WNT7A: variants seen among roughly 807,000 people sequenced by gnomAD.
WNT7A encodes protein Wnt-7a.
WNT7A carries 16 observed loss-of-function variants against 28.2 expected under a neutral mutation model. The observed-to-expected ratio is 0.57, with a 90% CI of 0.38 to 0.86. The LOEUF (loss-of-function observed/expected upper bound fraction) is 0.86. WNT7A is among the 40% of genes least tolerant of loss of function. WNT7A has a pLI of 0.00. For missense variants in WNT7A, 411 were observed against 489.7 expected (o/e 0.84, Z 1.52); for synonymous variants, 190 against 195.9 (o/e 0.97, Z 0.25).
chr3:13,828,965 T>C (rs12053930), intron 3 of WNT7A, among the ~76,000 whole-genome samples: 26,846 of 152,104 alleles, frequency 0.18, 3,046 homozygotes, highest in East Asian at 0.56. Context: ...CAAGGGAACA[T>C]GGCACACTCT....
intron 2 of WNT7A, among the ~76,000 whole-genome samples, chr3:13,860,006 T>C (rs1694802575): frequency 6.6e-6 from 1 of 151,374 alleles, no homozygotes; most frequent in Non-Finnish European, 1.5e-5. Flanking sequence ...AGCCCATTCA[T>C]CAAATCAAGA....
intron 3 of WNT7A, among the ~76,000 whole-genome samples, chr3:13,848,597 G>A (rs925356783): frequency 6.6e-6 from 1 of 152,186 alleles, no homozygotes; most frequent in African/African-American, 2.4e-5. Context: ...TGCTGGTGAG[G>A]ATGTGGAGCA....
intron 2 of WNT7A, among the ~76,000 whole-genome samples, chr3:13,865,741 T>TG (rs892917639): frequency 1.6e-4 from 25 of 152,162 alleles, no homozygotes; most frequent in Non-Finnish European, 2.9e-4. Flanking sequence ...CTGGCCTGCC[T>TG]GGGGGCCATA....
At chr3:13,823,507 C>T (rs1243788494) in intron 3 of WNT7A, among the ~76,000 whole-genome samples, 1 of 152,186 alleles carries the variant, frequency 6.6e-6, no homozygotes, top group Non-Finnish European at 1.5e-5. Context: ...CAGGCATCAA[C>T]CCTCCATTGC....
intron 2 of WNT7A, among the ~76,000 whole-genome samples, chr3:13,865,315 C>T (rs1032689892): frequency 6.6e-6 from 1 of 152,150 alleles, no homozygotes; most frequent in African/African-American, 2.4e-5. Context: ...GTCCTTTTCT[C>T]CCCGGGGCAG....
chr3:13,830,288 C>A (rs906359585), intron 3 of WNT7A, among the ~76,000 whole-genome samples: 1 of 152,182 alleles, frequency 6.6e-6, no homozygotes, highest in Non-Finnish European at 1.5e-5. Flanking sequence ...GGCCCCTCAA[C>A]CTCAGGCTGG....
chr3:13,834,385 G>A (rs984737208), intron 3 of WNT7A, among the ~76,000 whole-genome samples: 1 of 152,076 alleles, frequency 6.6e-6, no homozygotes, highest in African/African-American at 2.4e-5. Context: ...GCTGGGGGTC[G>A]GGTGCACACT....
intron 3 of WNT7A, among the ~76,000 whole-genome samples, chr3:13,827,472 A>G (rs1401146991): frequency 6.6e-6 from 1 of 152,132 alleles, no homozygotes; most frequent in African/African-American, 2.4e-5. Context: ...CAGAGCCCGG[A>G]ATTACTCAGG....
rs574524821 is a variant in WNT7A, at chr3:13,849,304, C to G, written c.570+5228G>C. 3.3e-5 allele frequency among the ~76,000 whole-genome samples: 5 copies of G among 152,322 alleles called. No homozygotes were observed. In the South Asian group the frequency reaches 1.0e-3, roughly 32 times the overall value. ...CAATTATCTCAATATCAGCTCAATTCAAAACCACAAACTTGGTTAAATCTG... is the reference window on the plus strand; with the variant it reads ...CAATTATCTCAATATCAGCTCAATTGAAAACCACAAACTTGGTTAAATCTG... On this transcript the variant is annotated intron_variant, in intron 3 of 3. Transcript: ENST00000285018.
rs1559303352 is a variant in WNT7A at position 13,856,959 on chromosome 3, GAA to G, written c.299-2158_299-2157del. Reference sequence around the variant, plus strand: ...AGAAGAAGAAGAAGAAGAAGAAGAAGAAGAAGAAGGAGAAGAAGAAGAAGAAG... The same window carrying G: ...AGAAGAAGAAGAAGAAGAAGAAGAAGGAAGAAGGAGAAGAAGAAGAAGAAG... On this transcript the variant is annotated intron_variant, in intron 2 of 3. Coordinates refer to ENST00000285018, the MANE Select transcript of WNT7A (RefSeq NM_004625.4). Among the ~76,000 whole-genome samples, 157 of 125,324 alleles carry G rather than the reference GAA, an allele frequency of 1.3e-3. 1 individual carries two copies. The highest frequency in any genetic ancestry group is 2.1e-3 in the Non-Finnish European group (131 of 63,822). The allele number at this position is 125,324 out of a possible 152,430, so 82.2% of individuals were successfully genotyped here.
intron 3 of WNT7A, among the ~76,000 whole-genome samples, chr3:13,846,304 G>A (rs1046701784): frequency 1.3e-5 from 2 of 152,222 alleles, no homozygotes; most frequent in Non-Finnish European, 2.9e-5. Context: ...GGAATCACAG[G>A]GTTTCAGGAT....
rs1695088848 is a variant in WNT7A at position 13,875,132 on chromosome 3, CAG to C, written c.111_112del (p.Ile37MetfsTer2). ...GGGAGCCAGGCCTGGGATCTTGTTA[CAG>C]ATGATGCTTGCGCCCAGAGCTACCA... On this transcript the variant is annotated frameshift_variant, in exon 2 of 4. Coordinates refer to ENST00000285018, the MANE Select transcript of WNT7A (RefSeq NM_004625.4). LOFTEE classifies it high-confidence loss of function. 6.2e-7 allele frequency: 1 copy of C among 1,614,068 alleles called. No homozygotes were observed. Among genetic ancestry groups the C allele is most frequent in the Admixed American group, 1.7e-5 (1 of 60,016 alleles).
chr3:13,850,585 AG>A (rs981530094), intron 3 of WNT7A, among the ~76,000 whole-genome samples: 41 of 152,130 alleles, frequency 2.7e-4, no homozygotes, highest in African/African-American at 9.7e-4. Context: ...GCATTCCAGC[AG>A]GGGCCAGCCC....
At chr3:13,822,399 T>C (rs1694125843) in intron 3 of WNT7A, among the ~76,000 whole-genome samples, 1 of 152,262 alleles carries the variant, frequency 6.6e-6, no homozygotes, top group Non-Finnish European at 1.5e-5. Flanking sequence ...AGGAATGAAG[T>C]ACTGATACAC....
intron 3 of WNT7A, among the ~76,000 whole-genome samples, chr3:13,832,456 A>C (rs1694297258): frequency 8.1e-6 from 1 of 123,260 alleles, no homozygotes; most frequent in African/African-American, 3.2e-5. Flanking sequence ...CCTTCTTCCC[A>C]AGCTTCTCCT....
At chr3:13,863,203 A>G (rs1694859908) in intron 2 of WNT7A, among the ~76,000 whole-genome samples, 3 of 152,150 alleles carry the variant, frequency 2.0e-5, no homozygotes, top group Admixed American at 1.3e-4. Context: ...CCATCAAGCC[A>G]TGGCTCCCAA....
chr3:13,847,767 G>A (rs1187169802), intron 3 of WNT7A, among the ~76,000 whole-genome samples: 1 of 148,938 alleles, frequency 6.7e-6, no homozygotes, highest in Non-Finnish European at 1.5e-5. Context: ...CAGATTCAAA[G>A]AGACAGAAAG....
intron 2 of WNT7A, among the ~76,000 whole-genome samples, chr3:13,859,451 T>C (rs1004862456): frequency 1.3e-5 from 2 of 152,184 alleles, no homozygotes; most frequent in Non-Finnish European, 2.9e-5. Flanking sequence ...CTTAAACAAA[T>C]AGTAGTGAGC....
chr3:13,818,838 G>A lies in WNT7A; in HGVS notation c.*106C>T. 1 of 1,450,666 alleles carries A rather than the reference G, an allele frequency of 6.9e-7. No individual in the cohort carries two copies. The highest frequency in any genetic ancestry group is 9.1e-7 in the Non-Finnish European group (1 of 1,100,662). The allele number at this position is 1,450,666 out of a possible 1,614,324, so 89.9% of individuals were successfully genotyped here. A position where few individuals can be genotyped will look rare whatever the true frequency, so the allele number is the denominator to read the frequency against. ...AAACCCAGGAAAAGTACCCTCCTCA[G>A]CAGAAAAGACAAGCTCAGCATCCTG... is the stretch of plus-strand genomic sequence containing the variant. On this transcript the variant is annotated 3_prime_UTR_variant, in exon 4 of 4. Transcript: ENST00000285018.
Sources: allele counts gnomAD v4.1 joint callset (sites outside exome capture counted in the v4.1 genomes callset), GRCh38; gene constraint gnomAD v4.1.1; transcripts MANE v1.5; gene names NCBI Gene and HGNC (gene_info 2026-07-23, HGNC 2026-07-21).